The following PER2 variants were observed in gnomAD, a reference collection of about 807,000 sequenced individuals.
PER2 encodes period circadian protein homolog 2.
In PER2, 66 loss-of-function variants were observed where a neutral mutation model predicts 121.0. The ratio of observed to expected loss-of-function variants is 0.55; its 90% CI spans 0.45 to 0.67. PER2 has a LOEUF of 0.67. PER2 is among the 30% of genes least tolerant of loss of function. The probability of loss-of-function intolerance (pLI) is 0.00; values close to 1 mark genes in which losing one functional copy is unlikely to be tolerated. For synonymous variants in PER2, 684 were observed against 659.9 expected (o/e 1.04, Z -0.56); for missense variants, 1,521 against 1,635.0 (o/e 0.93, Z 1.20).
upstream of PER2, among the ~76,000 whole-genome samples, chr2:238,293,759 GAAAA>G (rs373301986): frequency 2.6e-5 from 4 of 151,070 alleles, no homozygotes; most frequent in Admixed American, 6.6e-5. Context: ...GAAAGAAAAA[GAAAA>G]AAAAGAAAGA....
chr2:238,248,167 TG>T (rs553495032), intron 22 of PER2, among the ~76,000 whole-genome samples: 47 of 152,294 alleles, frequency 3.1e-4, no homozygotes, highest in African/African-American at 9.4e-4. Context: ...AGGGACAGCC[TG>T]AAGAGCACAG....
At chr2:238,254,136 T>C (rs1695691678) in intron 18 of PER2, 1 of 244,862 alleles carries the variant, frequency 4.1e-6, no homozygotes, top group East Asian at 1.1e-4. Flanking sequence ...TTATAAGCAC[T>C]GTCACTACTG....
In PER2 at chr2:238,246,523, T is replaced by A; in HGVS notation, c.3620A>T (p.Glu1207Val). The change falls in exon 23 of 23, where the codon GAA becomes GTA. Residue 1207 changes from glutamate (E) to valine (V), a missense_variant and splice_region_variant. Physicochemically the swap from Glu to Val is moderately radical, Grantham distance 121 (BLOSUM62 -2). Coordinates refer to ENST00000254657, the MANE Select transcript of PER2 (RefSeq NM_022817.3). ...TTCCTTGTTTTCACAGTAAACACATTCCTTAAAAGAAAAAAAAAGAGAAAT... is the reference window on the plus strand; with the variant it reads ...TTCCTTGTTTTCACAGTAAACACATACCTTAAAAGAAAAAAAAAGAGAAAT... ...GGLPAAIDVA[E>V]CVYCENKEKG... 2.6e-6 allele frequency: 4 copies of A among 1,550,466 alleles called. No homozygotes were observed. The South Asian group carries it at 4.5e-5, about 17-fold the overall frequency.
intron 1 of PER2, among the ~76,000 whole-genome samples, chr2:238,281,543 A>C (rs1487887386): frequency 3.3e-5 from 5 of 152,240 alleles, no homozygotes; most frequent in Admixed American, 2.6e-4. Flanking sequence ...TGAAAGATGA[A>C]TGGTAATACC....
At chr2:238,266,146 G>T (rs181438358) in intron 8 of PER2, among the ~76,000 whole-genome samples, 6 of 151,972 alleles carry the variant, frequency 3.9e-5, no homozygotes, top group African/African-American at 7.2e-5. Flanking sequence ...CTCGTGATCC[G>T]CCCACCTTGG....
At chr2:238,289,325 C>A (rs796410077), upstream of PER2, 2 of 152,348 alleles carry the variant, frequency 1.3e-5, no homozygotes, top group African/African-American at 4.8e-5. Flanking sequence ...ATCGCGGGGC[C>A]CCGGAGCAGC....
intron 8 of PER2, among the ~76,000 whole-genome samples, chr2:238,266,124 C>T (rs372500337): frequency 5.9e-5 from 9 of 152,054 alleles, no homozygotes; most frequent in Admixed American, 1.3e-4. Flanking sequence ...AGGATGGTCT[C>T]GATCTCCTGA....
upstream of PER2, among the ~76,000 whole-genome samples, chr2:238,294,151 G>C (rs1697006527): frequency 6.6e-6 from 1 of 152,138 alleles, no homozygotes; most frequent in Non-Finnish European, 1.5e-5. Flanking sequence ...TCTCTCATCG[G>C]TCAGGGTGTC....
intron 1 of PER2, among the ~76,000 whole-genome samples, chr2:238,280,784 G>C (rs1696605186): frequency 6.6e-6 from 1 of 152,102 alleles, no homozygotes; most frequent in Admixed American, 6.6e-5. Flanking sequence ...GACACATAAA[G>C]AGAACCATCC....
upstream of PER2, chr2:238,289,523 G>A (rs541830846): frequency 6.6e-6 from 1 of 152,374 alleles, no homozygotes; most frequent in South Asian, 2.1e-4. Flanking sequence ...ACAAAAGAAA[G>A]AAATGATGTT....
intron 18 of PER2, 168 bp downstream of exon 18, chr2:238,255,489 G>A: frequency 1.3e-6 from 1 of 742,058 alleles, no homozygotes. Context: ...CCCCCCCGGT[G>A]GGAAGTTCTA....
chr2:238,265,230 C>T (rs1354734288), intron 9 of PER2, among the ~76,000 whole-genome samples: 1 of 152,194 alleles, frequency 6.6e-6, no homozygotes, highest in Non-Finnish European at 1.5e-5. Context: ...TGGTCCCAGG[C>T]AACAGCGCCT....
chr2:238,293,934 G>A (rs1697003566), upstream of PER2, among the ~76,000 whole-genome samples: 1 of 152,050 alleles, frequency 6.6e-6, no homozygotes, highest in Admixed American at 6.6e-5. Flanking sequence ...CTGGTCTCAG[G>A]CAGCTTGAGT....
intron 8 of PER2, among the ~76,000 whole-genome samples, chr2:238,265,988 C>T (rs1422291834): frequency 6.6e-6 from 1 of 151,868 alleles, no homozygotes; most frequent in Non-Finnish European, 1.5e-5. Flanking sequence ...ATTGCAACCT[C>T]CGCCTCCGAG....
chr2:238,298,125 C>T, the PER2 span, among the ~76,000 whole-genome samples: 10 of 151,574 alleles, frequency 6.6e-5, 1 homozygote, highest in African/African-American at 1.5e-4. Context: ...AGCTCCGCCT[C>T]CCGGGTTCAC....
Position 238,246,593 on chromosome 2 carries a change from T to C in PER2, c.3619-69A>G, listed in dbSNP as rs2106360657. 3.3e-6 allele frequency: 4 copies of C among 1,194,408 alleles called. No individual in the cohort carries two copies. In the South Asian group the frequency reaches 4.9e-5, roughly 15 times the overall value. The allele number at this position is 1,194,408 out of a possible 1,614,324, so 74.0% of individuals were successfully genotyped here. A position where few individuals can be genotyped will look rare whatever the true frequency, so the allele number is the denominator to read the frequency against. On this transcript the variant is annotated intron_variant, in intron 22 of 22. Transcript: ENST00000254657. ...TGAGTTGTTACAAAAGTCATTCAAA[T>C]TGGCCGGGCGCGGTGGCTCACGCCT...
intron 9 of PER2, 21 bp from the exon 10 acceptor site, chr2:238,263,079 C>T (rs763722458): frequency 9.9e-6 from 14 of 1,409,522 alleles, no homozygotes; most frequent in African/African-American, 2.8e-5. Context: ...AGCAGACACA[C>T]GCTAGGATTG....
chr2:238,270,873 C>T (rs1007287885), intron 6 of PER2, among the ~76,000 whole-genome samples: 5 of 152,218 alleles, frequency 3.3e-5, no homozygotes, highest in Non-Finnish European at 7.3e-5. Context: ...CCAAAGCCAG[C>T]CCTGGTCAAG....
At chr2:238,260,259 AT>A (rs374038428) in intron 13 of PER2, among the ~76,000 whole-genome samples, 4,005 of 143,386 alleles carry the variant, frequency 0.028, 62 homozygotes, top group African/African-American at 0.046. Context: ...GGCACATTAC[AT>A]TTTTTTTTTT....
Sources: allele counts gnomAD v4.1 joint callset (sites outside exome capture counted in the v4.1 genomes callset), GRCh38; gene constraint gnomAD v4.1.1; transcripts MANE v1.5; gene names NCBI Gene and HGNC (gene_info 2026-07-23, HGNC 2026-07-21).